The following PURG variants were observed in gnomAD, a reference collection of about 807,000 sequenced individuals.
PURG encodes purine-rich element-binding protein gamma.
In PURG, 3 loss-of-function variants were observed where a neutral mutation model predicts 24.3. The ratio of observed to expected loss-of-function variants is 0.12; its 90% CI spans 0.06 to 0.32. The LOEUF (loss-of-function observed/expected upper bound fraction) is 0.32. Among genes scored for constraint, PURG ranks in the 10% least tolerant of loss-of-function variants. PURG has a pLI of 1.00. For synonymous variants in PURG, 180 were observed against 173.1 expected, an observed-to-expected ratio of 1.04 and a Z score of -0.31; for missense variants, 371 against 439.1, an observed-to-expected ratio of 0.84 and a Z score of 1.39.
chr8:31,003,568 C>T (rs947300861), intron 1 of PURG, among the ~76,000 whole-genome samples: 4 of 152,096 alleles, frequency 2.6e-5, no homozygotes, highest in Non-Finnish European at 5.9e-5. Context: ...TTGAGACCAG[C>T]CTGGCCAACA....
At chr8:31,030,081 T>C (rs1811165306), downstream of PURG, among the ~76,000 whole-genome samples, 1 of 151,970 alleles carries the variant, frequency 6.6e-6, no homozygotes, top group African/African-American at 2.4e-5. Flanking sequence ...CATAAACCAA[T>C]GAAATTAATT....
chr8:31,025,858 A>G (rs1811078923), downstream of PURG, among the ~76,000 whole-genome samples: 1 of 151,976 alleles, frequency 6.6e-6, no homozygotes, highest in African/African-American at 2.4e-5. Flanking sequence ...GAGACAGTTT[A>G]GCTGTACTTG....
At chr8:31,006,089 T>G (rs1273431877) in intron 1 of PURG, among the ~76,000 whole-genome samples, 1 of 152,116 alleles carries the variant, frequency 6.6e-6, no homozygotes, top group African/African-American at 2.4e-5. Context: ...ACTTCAAATA[T>G]AAGGGGCCAC....
At chr8:31,030,212 G>C (rs535661641), downstream of PURG, among the ~76,000 whole-genome samples, 1 of 151,962 alleles carries the variant, frequency 6.6e-6, no homozygotes, top group Admixed American at 6.6e-5. Flanking sequence ...TAAAAGAAGA[G>C]CTACATTCTG....
chr8:30,998,412 A>G (rs904665548), intron 1 of PURG, among the ~76,000 whole-genome samples: 4 of 151,808 alleles, frequency 2.6e-5, no homozygotes, highest in South Asian at 4.1e-4. Flanking sequence ...ACGAATAGCT[A>G]GTTCAAGGTA....
At chr8:31,010,565 A>G (rs1047443175) in intron 1 of PURG, among the ~76,000 whole-genome samples, 1 of 152,194 alleles carries the variant, frequency 6.6e-6, no homozygotes, top group African/African-American at 2.4e-5. Context: ...AATTTTGCCA[A>G]ATTTTGATTT....
chr8:31,031,741 A>G lies in PURG; in HGVS notation c.1042T>C (p.Ter348GlnextTer56). The change falls in exon 2 of 2, where the codon TAG becomes CAG. Residue 348 changes from the stop codon to glutamine (Q), a stop_lost. Coordinates refer to ENST00000523392, the MANE Select transcript of PURG (RefSeq NM_001323311.2). ...ASGEEQECLD* is the reference protein window; with the variant it reads ...ASGEEQECLDQ ...GCCTGATGGAGTTCAATTTCACTCT[A>G]GTCGAGGCATTCTTGTTCTTCACCA... The G allele has an allele frequency of 6.5e-7, 1 of 1,546,012 alleles. No individual in the cohort carries two copies. Among genetic ancestry groups the G allele is most frequent in the Non-Finnish European group, 8.7e-7 (1 of 1,144,380 alleles).
In PURG at chr8:31,033,076, A is replaced by C; in HGVS notation, c.-7+2T>G. The C allele has an allele frequency of 5.0e-6, 1 of 201,090 alleles. No individual in the cohort carries two copies. The highest frequency in any genetic ancestry group is 9.7e-6 in the Non-Finnish European group (1 of 103,116). 12.5% of individuals were successfully genotyped at this position (201,090 alleles called of 1,614,324 possible). A position where few individuals can be genotyped will look rare whatever the true frequency, so the allele number is the denominator to read the frequency against. On this transcript the variant is annotated splice_donor_variant, in intron 1 of 1. Transcript: ENST00000523392. LOFTEE classifies it low-confidence loss of function (5UTR_SPLICE). ...CCAGGTCTCCAGCCGGCGGGCACTCACATCATCTCTGCCATCACCGCCGCC... is the reference window on the plus strand; with the variant it reads ...CCAGGTCTCCAGCCGGCGGGCACTCCCATCATCTCTGCCATCACCGCCGCC...
chr8:31,008,229 G>A (rs906148239), intron 1 of PURG, among the ~76,000 whole-genome samples: 1 of 152,182 alleles, frequency 6.6e-6, no homozygotes, highest in African/African-American at 2.4e-5. Flanking sequence ...TAATAATGAT[G>A]TTAACTAATA....
Position 31,016,581 on chromosome 8 carries a change from C to CAAAAAAAAAAAAAAA in PURG, c.864+15323_864+15337dup, listed in dbSNP as rs11433207. 7.0e-4 allele frequency among the ~76,000 whole-genome samples: 40 copies of CAAAAAAAAAAAAAAA among 57,524 alleles called. 5 individuals are homozygous for CAAAAAAAAAAAAAAA. The highest frequency in any genetic ancestry group is 8.2e-4 in the Non-Finnish European group (27 of 32,992). 37.7% of individuals were successfully genotyped at this position (57,524 alleles called of 152,430 possible). On this transcript the variant is annotated intron_variant, in intron 1 of 1. Coordinates refer to the PURG transcript ENST00000339382. ...GAAAGAATGCAAGTCTACCAAGAAC[C>CAAAAAAAAAAAAAAA]AAAAAAAAAAAAAAAAAAAAAAAAA...
At chr8:30,999,061 T>C (rs1328727645) in intron 1 of PURG, among the ~76,000 whole-genome samples, 1 of 151,728 alleles carries the variant, frequency 6.6e-6, no homozygotes, top group Non-Finnish European at 1.5e-5. Context: ...TGTGTATGGG[T>C]ATATATGTAT....
At position 31,032,413 on chromosome 8, in the gene PURG, C is replaced by T; in HGVS notation, c.370G>A (p.Glu124Lys). The part of the protein sequence containing the change: ...ELKDCLGDFI[E>K]HYAHLGLKGH... ...TTCAGGCCCAGGTGGGCATAGTGCT[C>T]GATGAAGTCCCCTAGACAGTCCTTC... Residue 124 changes from glutamate (E) to lysine (K), a missense_variant, in exon 2 of 2, where the codon GAG becomes AAG. Glu to Lys is a moderately conservative substitution (Grantham distance 56). This residue lies in a region of PURG where 213 missense variants were observed against 230.6 expected (regional missense o/e 0.92). Coordinates refer to ENST00000523392, the MANE Select transcript of PURG (RefSeq NM_001323311.2). This position sits in a 1 kb window ranked among gnomAD's most constrained non-coding sequence, Gnocchi z 5.9. 1.2e-6 allele frequency: 2 copies of T among 1,613,936 alleles called. No individual in the cohort carries two copies. Among genetic ancestry groups the T allele is most frequent in the Non-Finnish European group, 1.7e-6 (2 of 1,180,014 alleles).
chr8:31,009,046 A>G (rs1360252316), intron 1 of PURG, among the ~76,000 whole-genome samples: 1 of 152,246 alleles, frequency 6.6e-6, no homozygotes, highest in Non-Finnish European at 1.5e-5. Flanking sequence ...TCTTAGCCAT[A>G]TTGATCTGAC....
At chr8:31,007,249 T>A (rs777074442) in intron 1 of PURG, among the ~76,000 whole-genome samples, 55 of 152,108 alleles carry the variant, frequency 3.6e-4, no homozygotes, top group Non-Finnish European at 7.5e-4. Flanking sequence ...GAAAAAAATA[T>A]AGTTCAAATA....
chr8:31,025,001 A>T (rs1294941392), intron 1 of PURG, among the ~76,000 whole-genome samples: 5 of 152,098 alleles, frequency 3.3e-5, no homozygotes, highest in Non-Finnish European at 5.9e-5. Context: ...AAATAAGTAA[A>T]CAATATTAAA....
chr8:31,030,685 A>G (rs1000651546), downstream of PURG, among the ~76,000 whole-genome samples: 6 of 151,858 alleles, frequency 4.0e-5, no homozygotes, highest in African/African-American at 1.4e-4. Flanking sequence ...GAATTAAAAC[A>G]CCTGTAAAAT....
chr8:31,005,316 C>T (rs1810619550), intron 1 of PURG, among the ~76,000 whole-genome samples: 1 of 151,922 alleles, frequency 6.6e-6, no homozygotes, highest in Non-Finnish European at 1.5e-5. Context: ...GCCTGTAGTC[C>T]CAGCTACTTG....
At chr8:31,016,371 C>A (rs1235154741) in intron 1 of PURG, among the ~76,000 whole-genome samples, 1 of 151,382 alleles carries the variant, frequency 6.6e-6, no homozygotes, top group Non-Finnish European at 1.5e-5. Context: ...CAGAGTGAGA[C>A]TCTGTCTCAA....
intron 1 of PURG, among the ~76,000 whole-genome samples, chr8:31,000,207 C>T (rs1366435091): frequency 1.3e-5 from 2 of 151,742 alleles, no homozygotes; most frequent in Admixed American, 1.3e-4. Flanking sequence ...AATAGAAACA[C>T]TAAATGGAAA....
Sources: gnomAD v4.1 joint callset for allele counts (sites outside exome capture counted in the v4.1 genomes callset) on GRCh38, gnomAD v4.1.1 for gene constraint, gnomAD v4.1.1 regional missense constraint, Gnocchi (gnomAD v3.1) non-coding constraint, MANE v1.5 for transcripts, NCBI Gene and HGNC (gene_info 2026-07-23, HGNC 2026-07-21) for gene names.